COG5: variants seen among roughly 807,000 people sequenced by gnomAD.
COG5 encodes the protein conserved oligomeric Golgi complex subunit 5.
A neutral mutation model predicts 110.4 loss-of-function variants in COG5; 86 were observed. The ratio of observed to expected loss-of-function variants is 0.78; its 90% CI spans 0.65 to 0.93. The LOEUF (loss-of-function observed/expected upper bound fraction) is 0.93. Ranked by LOEUF, COG5 falls within the 40% of genes least tolerant of loss-of-function variation. The pLI is 0.00. For synonymous variants in COG5, 360 were observed against 334.6 expected (o/e 1.08, Z -0.83); for missense variants, 1,077 against 987.0 (o/e 1.09, Z -1.22).
intron 6 of COG5, among the ~76,000 whole-genome samples, chr7:107,526,860 T>C (rs1800793208): frequency 6.6e-6 from 1 of 152,178 alleles, no homozygotes; most frequent in Admixed American, 6.5e-5. Flanking sequence ...GGAGAAAAGA[T>C]CAGTGGCTGT....
intron 20 of COG5, 36 bp from the exon 21 acceptor site, chr7:107,210,641 C>T (rs757285487): frequency 7.2e-5 from 113 of 1,559,792 alleles, no homozygotes; most frequent in East Asian, 1.4e-4. Flanking sequence ...AGAGTGCATA[C>T]GCATTCTTTA....
At chr7:107,372,053 CT>C (rs1198589855) in intron 8 of COG5, among the ~76,000 whole-genome samples, 1 of 152,148 alleles carries the variant, frequency 6.6e-6, no homozygotes, top group Non-Finnish European at 1.5e-5. Context: ...TTACAGACTC[CT>C]AATGAAAGGC....
intron 12 of COG5, among the ~76,000 whole-genome samples, chr7:107,294,982 TATATACACAC>T (rs1422868230): frequency 7.7e-6 from 1 of 130,668 alleles, no homozygotes; most frequent in Non-Finnish European, 1.6e-5. Flanking sequence ...TATATACACA[TATATACACAC>T]ATATACACAT....
At chr7:107,336,108 T>C (rs1361036811) in intron 10 of COG5, among the ~76,000 whole-genome samples, 1 of 152,168 alleles carries the variant, frequency 6.6e-6, no homozygotes, top group African/African-American at 2.4e-5. Flanking sequence ...CTGTACTCCC[T>C]TGTTTAATGA....
At chr7:107,415,893 CACAT>C (rs1362673692) in intron 6 of COG5, among the ~76,000 whole-genome samples, 2 of 120,500 alleles carry the variant, frequency 1.7e-5, no homozygotes, top group Non-Finnish European at 1.8e-5. Context: ...TATATACACA[CACAT>C]ACACGTATGT....
chr7:107,389,877 T>G (rs1246597623), intron 7 of COG5, among the ~76,000 whole-genome samples: 1 of 152,120 alleles, frequency 6.6e-6, no homozygotes, highest in Non-Finnish European at 1.5e-5. Context: ...ATAATTCCAG[T>G]AATGACTATA....
At chr7:107,312,546 G>C (rs1423715504) in intron 11 of COG5, among the ~76,000 whole-genome samples, 1 of 152,192 alleles carries the variant, frequency 6.6e-6, no homozygotes, top group Non-Finnish European at 1.5e-5. Context: ...AGACTGAAAA[G>C]ACAAGTATGA....
chr7:107,208,059 C>A (rs1798902829), intron 21 of COG5: 1 of 985,422 alleles, frequency 1.0e-6, no homozygotes, highest in South Asian at 4.7e-5. Flanking sequence ...AGTGATGCTT[C>A]AGTATGCAAG....
chr7:107,307,263 G>T (rs541275385), intron 11 of COG5, among the ~76,000 whole-genome samples: 1 of 152,162 alleles, frequency 6.6e-6, no homozygotes, highest in South Asian at 2.1e-4. Context: ...TTTGATTTCT[G>T]TTGATCACTC....
intron 10 of COG5, among the ~76,000 whole-genome samples, chr7:107,345,277 A>C (rs1343984973): frequency 6.6e-6 from 1 of 152,178 alleles, no homozygotes; most frequent in Non-Finnish European, 1.5e-5. Flanking sequence ...AATAACAAAA[A>C]AATTTGAAAT....
chr7:107,391,924 T>C (rs1417015417), intron 7 of COG5, among the ~76,000 whole-genome samples: 2 of 152,066 alleles, frequency 1.3e-5, no homozygotes, highest in African/African-American at 2.4e-5. Flanking sequence ...ACCCCGTCTC[T>C]ACCAAAAAAT....
At chr7:107,300,729 T>C (rs1807187316) in intron 11 of COG5, among the ~76,000 whole-genome samples, 1 of 152,110 alleles carries the variant, frequency 6.6e-6, no homozygotes, top group South Asian at 2.1e-4. Context: ...AAATGTAAAT[T>C]ATCCCTAAAT....
intron 21 of COG5, chr7:107,209,334 C>A (rs1248862058): frequency 8.8e-6 from 4 of 453,066 alleles, no homozygotes; most frequent in Non-Finnish European, 1.2e-5. Flanking sequence ...TGTGACCTCC[C>A]AACCAAGACA....
chr7:107,542,466 C>A (rs1289597492), intron 5 of COG5, among the ~76,000 whole-genome samples: 2 of 152,156 alleles, frequency 1.3e-5, no homozygotes, highest in African/African-American at 4.8e-5. Context: ...TTGGCATTAT[C>A]TAATAAAGTT....
chr7:107,370,871 C>T (rs1814096685), intron 8 of COG5, among the ~76,000 whole-genome samples: 1 of 149,992 alleles, frequency 6.7e-6, no homozygotes, highest in Non-Finnish European at 1.5e-5. Context: ...AGAACTGATG[C>T]TTAAGGTTTC....
At chr7:107,421,061 C>T (rs1014646623) in intron 6 of COG5, among the ~76,000 whole-genome samples, 5 of 152,152 alleles carry the variant, frequency 3.3e-5, no homozygotes, top group African/African-American at 1.2e-4. Flanking sequence ...CAAAAAATTG[C>T]TCAGAGCCAA....
intron 10 of COG5, among the ~76,000 whole-genome samples, chr7:107,336,874 G>C (rs1002005828): frequency 2.0e-5 from 3 of 152,102 alleles, no homozygotes; most frequent in African/African-American, 7.2e-5. Context: ...TGCAGCCACA[G>C]CCAAGACCAG....
intron 7 of COG5, among the ~76,000 whole-genome samples, chr7:107,395,475 G>C (rs751059159): frequency 6.9e-6 from 1 of 145,102 alleles, no homozygotes; most frequent in African/African-American, 2.5e-5. Context: ...CTACTAAAAA[G>C]CGATACAGCT....
chr7:107,404,323 C>T (rs1029571106), intron 7 of COG5, among the ~76,000 whole-genome samples: 35 of 152,156 alleles, frequency 2.3e-4, no homozygotes, highest in African/African-American at 7.7e-4. Flanking sequence ...GTTTACTGAA[C>T]ATCTATTCAG....
Sources: gnomAD v4.1 joint callset for allele counts (sites outside exome capture counted in the v4.1 genomes callset) on GRCh38, gnomAD v4.1.1 for gene constraint, MANE v1.5 for transcripts, NCBI Gene and HGNC (gene_info 2026-07-23, HGNC 2026-07-21) for gene names.